Variants in ZNF668 observed in about 807,000 individuals in gnomAD.
ZNF668 encodes zinc finger protein 668.
Under a neutral mutation model 40.3 loss-of-function variants are expected in ZNF668, and 10 were observed. The observed-to-expected ratio is 0.25, with a 90% CI of 0.15 to 0.42. ZNF668 has a LOEUF of 0.42. Ranked by LOEUF, ZNF668 falls within the 10% of genes least tolerant of loss-of-function variation. The pLI, the probability that ZNF668 is intolerant of heterozygous loss-of-function variation, is 1.00. For missense variants in ZNF668, 749 were observed against 904.6 expected (o/e 0.83, Z 2.21); for synonymous variants, 428 against 384.6 (o/e 1.11, Z -1.32).
At chr16:31,072,997 C>T (rs1356398375) in intron 1 of ZNF668, 1 of 152,278 alleles carries the variant, frequency 6.6e-6, no homozygotes, top group Admixed American at 6.5e-5. Context: ...AAATGGGGTC[C>T]CTTAAGTTTG....
Position 31,063,941 on chromosome 16 carries a change from G to A in ZNF668, c.519C>T (p.Cys173=), listed in dbSNP as rs754437038. 1.2e-6 allele frequency: 2 copies of A among 1,602,216 alleles called. No homozygotes were observed. Among genetic ancestry groups the A allele is most frequent in the Admixed American group, 1.7e-5 (1 of 58,030 alleles). The change falls in exon 2 of 3, where the codon TGC becomes TGT. Residue 173 remains cysteine, a synonymous_variant. Transcript: ENST00000300849. ...TGERPYACAD[C]GKSFADPSVF... The stretch of plus-strand genomic sequence containing the variant: ...CTGAAGGGTCAGCAAAGCTCTTGCC[G>A]CAGTCGGCGCAGGCGTAAGGCCGCT...
chr16:31,063,686 CT>C, intron 2 of ZNF668, 126 bp downstream of exon 2: 1 of 1,134,890 alleles, frequency 8.8e-7, no homozygotes, highest in South Asian at 1.7e-5. Flanking sequence ...AGCCCCTCCC[CT>C]TGGATCTGCC....
chr16:31,068,621 T>G (rs2056996088), intron 1 of ZNF668, among the ~76,000 whole-genome samples: 2 of 151,432 alleles, frequency 1.3e-5, no homozygotes, highest in Non-Finnish European at 2.9e-5. Context: ...GTTTGTTTGG[T>G]TTTGAAACAA....
chr16:31,068,239 A>AAAATATATAT (rs1473353128), intron 1 of ZNF668, among the ~76,000 whole-genome samples: 7 of 82,992 alleles, frequency 8.4e-5, no homozygotes, highest in African/African-American at 3.0e-4. Context: ...AAAAAAAAAA[A>AAAATATATAT]ATATATATAT....
At chr16:31,068,239 A>AAAAAAT (rs1473353128) in intron 1 of ZNF668, among the ~76,000 whole-genome samples, 27 of 82,988 alleles carry the variant, frequency 3.3e-4, no homozygotes, top group Non-Finnish European at 4.4e-4. Context: ...AAAAAAAAAA[A>AAAAAAT]ATATATATAT....
Position 31,061,718 on chromosome 16 carries a change from A to G in ZNF668, c.1210T>C (p.Ser404Pro). 1 of 1,613,676 alleles carries G rather than the reference A, an allele frequency of 6.2e-7. No individual in the cohort carries two copies. The change falls in exon 3 of 3, where the codon TCG becomes CCG. Residue 404 changes from serine (S) to proline (P), a missense_variant. Ser to Pro is a moderately conservative substitution (Grantham distance 74). Around this residue, in one of 4 missense-constraint regions of ZNF668, gnomAD observed 310 missense variants for 355.1 expected, o/e 0.87. Coordinates refer to ENST00000300849, the MANE Select transcript of ZNF668 (RefSeq NM_024706.5). The surrounding 1 kb of genome is among the most constrained non-coding windows in gnomAD (Gnocchi z 7.7). Reference sequence around the variant, plus strand: ...CGCTCGTGCTTCCTCAGGCTCGACGACACCACAAAGGATTTCCCACATGCG... The same window carrying G: ...CGCTCGTGCTTCCTCAGGCTCGACGGCACCACAAAGGATTTCCCACATGCG... ...CNACGKSFVVSSSLRKHERTH... is the reference protein window; with the variant it reads ...CNACGKSFVVPSSLRKHERTH...
chr16:31,068,234 AAAAAAATATAT>A (rs1310133965), intron 1 of ZNF668, among the ~76,000 whole-genome samples: 1 of 92,178 alleles, frequency 1.1e-5, no homozygotes, highest in Non-Finnish European at 2.0e-5. Context: ...AAAAAAAAAA[AAAAAAATATAT>A]ATATATATAT....
chr16:31,067,166 G>C (rs2056986158), intron 1 of ZNF668, among the ~76,000 whole-genome samples: 1 of 151,764 alleles, frequency 6.6e-6, no homozygotes, highest in South Asian at 2.1e-4. Flanking sequence ...GTTGCAGTAA[G>C]CCAAGATGGT....
At position 31,061,574 on chromosome 16, in the gene ZNF668, G is replaced by A; in HGVS notation, c.1354C>T (p.Leu452=). 6.8e-6 allele frequency: 11 copies of A among 1,608,846 alleles called. No individual in the cohort carries two copies. Among genetic ancestry groups the A allele is most frequent in the Non-Finnish European group, 4.2e-6 (5 of 1,179,708 alleles). ...SSAAPAAGAG[L]GDPPAGLLGL... is the part of the protein sequence containing the mutation. ...AGCAGCCCTGCTGGAGGGTCCCCCA[G>A]CCCCGCCCCTGCTGCCGGGGCGGCT... The change falls in exon 3 of 3, where the codon CTG becomes TTG. Residue 452 remains leucine, a synonymous_variant. Transcript: ENST00000300849. This position sits in a 1 kb window ranked among gnomAD's most constrained non-coding sequence, Gnocchi z 7.7.
intron 1 of ZNF668, chr16:31,072,783 C>T (rs2057025163): frequency 2.0e-5 from 3 of 152,400 alleles, no homozygotes; most frequent in Non-Finnish European, 4.4e-5. Context: ...CTCCCGGCAG[C>T]GACCGAACCT....
At chr16:31,071,084 G>C (rs1477610539) in intron 1 of ZNF668, among the ~76,000 whole-genome samples, 1 of 151,536 alleles carries the variant, frequency 6.6e-6, no homozygotes, top group African/African-American at 2.4e-5. Context: ...TGGAACTCCT[G>C]ACCTCAGGTG....
In ZNF668 at chr16:31,062,456, CTA is replaced by C. The variant is rs2056939180; in HGVS notation, c.648-178_648-177del. Reference sequence around the variant, plus strand: ...AAGCCTTCAGGCTGGCTGGGTGTCTCTATTCCAAAGACCTGTCTCTGCACATT... The same window carrying C: ...AAGCCTTCAGGCTGGCTGGGTGTCTCTTCCAAAGACCTGTCTCTGCACATT... On this transcript the variant is annotated intron_variant, in intron 2 of 2. Coordinates refer to ENST00000300849, the MANE Select transcript of ZNF668 (RefSeq NM_024706.5). 3.3e-6 allele frequency: 3 copies of C among 895,828 alleles called. No individual in the cohort carries two copies. In the South Asian group the frequency reaches 5.5e-5, roughly 17 times the overall value. 55.5% of individuals were successfully genotyped at this position (895,828 alleles called of 1,614,324 possible).
chr16:31,067,056 A>G (rs1232603597), intron 1 of ZNF668, among the ~76,000 whole-genome samples: 1 of 151,966 alleles, frequency 6.6e-6, no homozygotes, highest in African/African-American at 2.4e-5. Context: ...CATTTCTACA[A>G]AAAATACAAA....
In ZNF668 at chr16:31,061,150, G is replaced by A. The variant is rs756182870; in HGVS notation, c.1778C>T (p.Thr593Ile). The A allele has an allele frequency of 3.2e-5, 48 of 1,516,800 alleles. No homozygotes were observed. In the South Asian group the frequency reaches 6.0e-4, roughly 19 times the overall value. 94.0% of individuals were successfully genotyped at this position (1,516,800 alleles called of 1,614,324 possible). Residue 593 changes from threonine (T) to isoleucine (I), a missense_variant, in exon 3 of 3, where the codon ACC becomes ATC. This residue lies in a region of ZNF668 where 310 missense variants were observed against 355.1 expected (regional missense o/e 0.87). Coordinates refer to ENST00000300849, the MANE Select transcript of ZNF668 (RefSeq NM_024706.5). The surrounding 1 kb of genome is among the most constrained non-coding windows in gnomAD (Gnocchi z 7.7). Reference protein sequence around the residue: ...SASDLRKHERTHPVPMGTPTP... With the variant: ...SASDLRKHERIHPVPMGTPTP... ...GGGGGTCCCCATGGGCACAGGGTGG[G>A]TGCGTTCATGCTTGCGCAAGTCGCT...
intron 1 of ZNF668, among the ~76,000 whole-genome samples, chr16:31,072,207 G>A (rs759771307): frequency 6.6e-6 from 1 of 152,180 alleles, no homozygotes; most frequent in Non-Finnish European, 1.5e-5. Context: ...AGTCCAGGCT[G>A]GCAAAGGGCT....
intron 1 of ZNF668, chr16:31,072,858 G>C (rs1451857343): frequency 1.3e-5 from 2 of 152,380 alleles, no homozygotes; most frequent in African/African-American, 4.8e-5. Context: ...GCCCTTGCCT[G>C]CCTTCTCCAA....
intron 1 of ZNF668, among the ~76,000 whole-genome samples, chr16:31,071,437 G>A (rs1261755634): frequency 1.3e-5 from 2 of 152,176 alleles, no homozygotes; most frequent in East Asian, 3.9e-4. Flanking sequence ...AAAGTGCTGG[G>A]ATTACAGGCG....
Position 31,064,425 on chromosome 16 carries a change from G to A in ZNF668, c.35C>T (p.Ala12Val), listed in dbSNP as rs1421016899. The A allele has an allele frequency of 1.9e-6, 3 of 1,612,494 alleles. No homozygotes were observed. The highest frequency in any genetic ancestry group is 3.3e-5 in the Admixed American group (2 of 60,026). The part of the protein sequence containing the change: ...EVEAAEARSP[A>V]PGYKRSGRRY... ...GCGGCCCGAGCGCTTGTAGCCGGGG[G>A]CTGGGGACCGGGCCTCTGCAGCCTC... is the stretch of plus-strand genomic sequence containing the variant. Residue 12 changes from alanine to valine, a missense_variant, in exon 2 of 3, where the codon GCC becomes GTC. Ala to Val is a moderately conservative substitution (Grantham distance 64, BLOSUM62 0). Around this residue, in one of 4 missense-constraint regions of ZNF668, gnomAD observed 159 missense variants for 139.8 expected, o/e 1.14. Coordinates refer to ENST00000300849, the MANE Select transcript of ZNF668 (RefSeq NM_024706.5).
intron 1 of ZNF668, among the ~76,000 whole-genome samples, chr16:31,067,656 T>TG (rs1555498534): frequency 6.6e-6 from 1 of 152,192 alleles, no homozygotes; most frequent in African/African-American, 2.4e-5. Flanking sequence ...CTGGGTGTGC[T>TG]GGTTTATTTA....
Sources: gnomAD v4.1 joint callset for allele counts (sites outside exome capture counted in the v4.1 genomes callset) on GRCh38, gnomAD v4.1.1 for gene constraint, gnomAD v4.1.1 regional missense constraint, Gnocchi (gnomAD v3.1) non-coding constraint, MANE v1.5 for transcripts, NCBI Gene and HGNC (gene_info 2026-07-23, HGNC 2026-07-21) for gene names.